The following MYO18B variants were observed in gnomAD, a reference collection of about 807,000 sequenced individuals.
MYO18B encodes the protein unconventional myosin-XVIIIb.
Under a neutral mutation model 273.0 loss-of-function variants are expected in MYO18B, and 204 were observed. The ratio of observed to expected loss-of-function variants is 0.75; its 90% CI spans 0.67 to 0.84. The LOEUF (loss-of-function observed/expected upper bound fraction) is 0.84, where lower values mean the gene tolerates loss of function less well. Among genes scored for constraint, MYO18B ranks in the 40% least tolerant of loss-of-function variants. MYO18B has a pLI of 0.00. For missense variants in MYO18B, 3,212 were observed against 3,287.6 expected, an observed-to-expected ratio of 0.98 and a Z score of 0.56; for synonymous variants, 1,330 against 1,305.7, an observed-to-expected ratio of 1.02 and a Z score of -0.40.
intron 21 of MYO18B, among the ~76,000 whole-genome samples, chr22:25,854,440 G>A (rs1569113581): frequency 6.6e-6 from 1 of 152,110 alleles, no homozygotes; most frequent in African/African-American, 2.4e-5. Context: ...CCAGGTAGTA[G>A]TAGAGCTGGG....
chr22:25,956,693 G>T (rs891385845), intron 39 of MYO18B, among the ~76,000 whole-genome samples: 6 of 152,132 alleles, frequency 3.9e-5, no homozygotes, highest in Non-Finnish European at 8.8e-5. Context: ...GTGACCTGGG[G>T]TGTATCTGGC....
intron 33 of MYO18B, among the ~76,000 whole-genome samples, chr22:25,919,668 G>GTGTGTGTGTA (rs1454652837): frequency 4.4e-5 from 6 of 136,708 alleles, no homozygotes; most frequent in African/African-American, 1.7e-4. Context: ...AGGTGAGATT[G>GTGTGTGTGTA]TGTGTGTGTA....
At chr22:25,944,201 ACTT>A (rs2092678348) in intron 34 of MYO18B, among the ~76,000 whole-genome samples, 1 of 151,922 alleles carries the variant, frequency 6.6e-6, no homozygotes, top group Non-Finnish European at 1.5e-5. Context: ...CTGACATCTC[ACTT>A]CTTCTGTCCA....
At chr22:25,830,489 C>G (rs896892571) in intron 15 of MYO18B, among the ~76,000 whole-genome samples, 3 of 152,162 alleles carry the variant, frequency 2.0e-5, no homozygotes, top group Non-Finnish European at 2.9e-5. Flanking sequence ...GTAGATGGCT[C>G]TGATGATCTT....
chr22:25,811,946 A>G lies in MYO18B; in HGVS notation c.2522-11559A>G, dbSNP rs569614186. ...TTCACCTCCCTGGATGTTAACACGG[A>G]CAGGTTGACTCATTTAGCCCTCACA... On this transcript the variant is annotated intron_variant, in intron 12 of 43. Transcript: ENST00000335473. Among the ~76,000 whole-genome samples, 3 of 152,328 alleles carry G rather than the reference A, an allele frequency of 2.0e-5. No individual in the cohort carries two copies. In the South Asian group the frequency reaches 6.2e-4, roughly 32 times the overall value.
intron 36 of MYO18B, among the ~76,000 whole-genome samples, chr22:25,948,459 C>CTTTCTTTCTTTCTTTCTTTCT (rs2092748160): frequency 3.0e-5 from 2 of 67,634 alleles, no homozygotes; most frequent in African/African-American, 1.1e-4. Context: ...TCCTTCCTTC[C>CTTTCTTTCTTTCTTTCTTTCT]TTCTTTCTTT....
chr22:25,781,688 G>C, intron 9 of MYO18B, 46 bp from the exon 10 acceptor site: 2 of 1,343,374 alleles, frequency 1.5e-6, no homozygotes, highest in South Asian at 3.2e-5. Flanking sequence ...GGCATGTGCA[G>C]ATGTACCCAA....
Position 25,868,985 on chromosome 22 carries a change from G to T in MYO18B, c.3951+600G>T, listed in dbSNP as rs570515190. On this transcript the variant is annotated intron_variant, in intron 22 of 43. Coordinates refer to ENST00000335473, the MANE Select transcript of MYO18B (RefSeq NM_032608.7). ...CAAGGTGGGATACATGGTATTTAGG[G>T]TTTCTCAAACTATTTGACTGTGGAA... Among the ~76,000 whole-genome samples, 3 of 152,274 alleles carry T rather than the reference G, an allele frequency of 2.0e-5. No individual in the cohort carries two copies. In the South Asian group the frequency reaches 6.2e-4, roughly 32 times the overall value.
rs138452186 is a variant in MYO18B at position 25,842,928 on chromosome 22, A to G, written c.3209-807A>G. ...ATTCGGGAACATCAGCAAAGGTTTA[A>G]GTGCAGTCAAGGGCAGTGACAACCA... On this transcript the variant is annotated intron_variant, in intron 17 of 43. Transcript: ENST00000335473. 1.3e-4 allele frequency among the ~76,000 whole-genome samples: 20 copies of G among 152,352 alleles called. No homozygotes were observed. The East Asian group carries it at 3.7e-3, about 28-fold the overall frequency.
rs146083793 is a variant in MYO18B at position 25,804,634 on chromosome 22, C to T, written c.2521+6537C>T. ...GAGCACTCCTGAAGTCTAAGCAATT[C>T]TCCTGTGTGTGGAAGGTAGCTTTTG... is the stretch of plus-strand genomic sequence containing the variant. On this transcript the variant is annotated intron_variant, in intron 12 of 43. Transcript: ENST00000335473. 3.5e-3 allele frequency among the ~76,000 whole-genome samples: 526 copies of T among 152,352 alleles called. 1 individual carries two copies. Among genetic ancestry groups the T allele is most frequent in the African/African-American group, 0.012 (493 of 41,580 alleles).
At chr22:25,816,870 C>T (rs2089036899) in intron 12 of MYO18B, among the ~76,000 whole-genome samples, 3 of 152,238 alleles carry the variant, frequency 2.0e-5, no homozygotes. Context: ...TCCTTCCTCA[C>T]AGGCCTCCGA....
intron 21 of MYO18B, among the ~76,000 whole-genome samples, chr22:25,859,908 C>T (rs1217646767): frequency 1.3e-5 from 2 of 152,064 alleles, no homozygotes; most frequent in African/African-American, 2.4e-5. Context: ...GAACGCTTTA[C>T]CTACCCCTCG....
chr22:26,061,755 C>G, the MYO18B span, among the ~76,000 whole-genome samples: 3 of 151,848 alleles, frequency 2.0e-5, no homozygotes, highest in Non-Finnish European at 2.9e-5. Flanking sequence ...CAACACACCT[C>G]TGCCCAACTC....
chr22:26,006,896 C>T (rs1312481628), intron 42 of MYO18B, among the ~76,000 whole-genome samples: 2 of 152,194 alleles, frequency 1.3e-5, no homozygotes, highest in African/African-American at 4.8e-5. Flanking sequence ...CACTGTCTAT[C>T]TTCATGTTAC....
At chr22:26,010,694 A>G (rs1024270128) in intron 42 of MYO18B, among the ~76,000 whole-genome samples, 2 of 152,166 alleles carry the variant, frequency 1.3e-5, no homozygotes, top group African/African-American at 4.8e-5. Flanking sequence ...AGAGCAGGCC[A>G]GGTAATGCTG....
At chr22:25,800,624 G>A (rs1453005868) in intron 12 of MYO18B, among the ~76,000 whole-genome samples, 3 of 152,212 alleles carry the variant, frequency 2.0e-5, no homozygotes, top group Admixed American at 6.5e-5. Context: ...GGGACCCCTG[G>A]GAGACTCTGA....
chr22:25,773,620 C>T (rs1019901615), intron 7 of MYO18B, among the ~76,000 whole-genome samples: 10 of 152,142 alleles, frequency 6.6e-5, no homozygotes, highest in Non-Finnish European at 1.5e-4. Context: ...CCCGCCACCA[C>T]GCCCAGCTAA....
the MYO18B span, among the ~76,000 whole-genome samples, chr22:26,047,161 C>T: frequency 6.8e-6 from 1 of 146,352 alleles, no homozygotes; most frequent in Admixed American, 6.9e-5. Context: ...GAGTCTCGCT[C>T]TGTCACCCAG....
At chr22:25,815,443 C>A (rs2088960411) in intron 12 of MYO18B, among the ~76,000 whole-genome samples, 1 of 152,174 alleles carries the variant, frequency 6.6e-6, no homozygotes, top group Non-Finnish European at 1.5e-5. Context: ...GGGACACACT[C>A]CTAGGTAGCT....
Sources: gnomAD v4.1 joint callset for allele counts (sites outside exome capture counted in the v4.1 genomes callset) on GRCh38, gnomAD v4.1.1 for gene constraint, MANE v1.5 for transcripts, NCBI Gene and HGNC (gene_info 2026-07-23, HGNC 2026-07-21) for gene names.